Variants in CFAP43 observed in about 807,000 individuals in gnomAD.
The protein encoded by CFAP43 is cilia and flagella associated protein 43.
In CFAP43, 155 loss-of-function variants were observed where a neutral mutation model predicts 218.9. The observed-to-expected ratio is 0.71, with a 90% CI of 0.62 to 0.81. The LOEUF (loss-of-function observed/expected upper bound fraction) is 0.81. Among genes scored for constraint, CFAP43 ranks in the 30% least tolerant of loss-of-function variants. The pLI is 0.00. For synonymous variants in CFAP43, 645 were observed against 681.3 expected (o/e 0.95, Z 0.83); for missense variants, 1,778 against 1,954.3 (o/e 0.91, Z 1.70).
chr10:104,219,425 G>T (rs1481790240), intron 3 of CFAP43, among the ~76,000 whole-genome samples: 1 of 152,074 alleles, frequency 6.6e-6, no homozygotes, highest in Admixed American at 6.6e-5. Flanking sequence ...ACCTTCCACA[G>T]TACGAAAGTA....
intron 2 of CFAP43, among the ~76,000 whole-genome samples, chr10:104,226,928 G>A (rs1050741017): frequency 1.2e-4 from 19 of 152,024 alleles, no homozygotes; most frequent in African/African-American, 3.6e-4. Context: ...TGAGGCAGGC[G>A]AATCGCTTGA....
intron 34 of CFAP43, among the ~76,000 whole-genome samples, chr10:104,137,960 C>G (rs1238129678): frequency 6.6e-6 from 1 of 152,160 alleles, no homozygotes; most frequent in Non-Finnish European, 1.5e-5. Context: ...AAAAATATCT[C>G]TAAAAAACTA....
chr10:104,191,972 A>G (rs17116643), intron 12 of CFAP43, among the ~76,000 whole-genome samples: 19,257 of 152,126 alleles, frequency 0.13, 1,483 homozygotes, highest in African/African-American at 0.22. Flanking sequence ...ATTCAAGAAA[A>G]TTTATTTAGC....
chr10:104,147,415 A>G (rs571142150), intron 29 of CFAP43, among the ~76,000 whole-genome samples: 2 of 152,204 alleles, frequency 1.3e-5, no homozygotes, highest in South Asian at 2.1e-4. Context: ...TTAATGAACC[A>G]TATCTATCCA....
intron 20 of CFAP43, among the ~76,000 whole-genome samples, chr10:104,171,277 A>T (rs2089401012): frequency 6.6e-6 from 1 of 152,236 alleles, no homozygotes; most frequent in Non-Finnish European, 1.5e-5. Flanking sequence ...TGCAGAATGA[A>T]TGAAGGAATG....
At chr10:104,169,558 G>T (rs1489388784) in intron 20 of CFAP43, among the ~76,000 whole-genome samples, 1 of 151,692 alleles carries the variant, frequency 6.6e-6, no homozygotes, top group Admixed American at 6.6e-5. Flanking sequence ...GAAAGGCCTG[G>T]TGTGAAAGTG....
At chr10:104,160,994 A>T (rs752637489) in intron 27 of CFAP43, 43 bp downstream of exon 27, 1 of 1,548,572 alleles carries the variant, frequency 6.5e-7, no homozygotes, top group Admixed American at 1.8e-5. Flanking sequence ...TTTAAACAGC[A>T]CTCTGGATAT....
At chr10:104,226,227 C>T (rs904997433) in intron 2 of CFAP43, among the ~76,000 whole-genome samples, 2 of 152,186 alleles carry the variant, frequency 1.3e-5, no homozygotes, top group Non-Finnish European at 2.9e-5. Context: ...GCAAGCTTTG[C>T]CCTCATCTCA....
chr10:104,179,003 T>C (rs1316581503), intron 19 of CFAP43, 26 bp downstream of exon 19: 2 of 1,573,570 alleles, frequency 1.3e-6, no homozygotes, highest in Non-Finnish European at 1.7e-6. Context: ...GCCAAAGGTA[T>C]TAGAATATGA....
rs755756109 is a variant in CFAP43 at position 104,133,786 on chromosome 10, T to A, written c.4432-2A>T. On this transcript the variant is annotated splice_acceptor_variant, in intron 34 of 37. Transcript: ENST00000357060. LOFTEE classifies it high-confidence loss of function. ...AGCAACTTTCTTTTGTCCTTGAGTC[T>A]TTAAAAAAGTACATTAGATATCCAT... 1 of 1,599,176 alleles carries A rather than the reference T, an allele frequency of 6.3e-7. No homozygotes were observed. Among genetic ancestry groups the A allele is most frequent in the Non-Finnish European group, 8.5e-7 (1 of 1,174,234 alleles).
At chr10:104,157,775 T>TGTGTGTGTGTGAGA (rs1484523345) in intron 27 of CFAP43, among the ~76,000 whole-genome samples, 1 of 90,104 alleles carries the variant, frequency 1.1e-5, no homozygotes, top group African/African-American at 5.0e-5. Context: ...TGTGTGTGTG[T>TGTGTGTGTGTGAGA]GAGAGAGAGA....
intron 5 of CFAP43, among the ~76,000 whole-genome samples, chr10:104,208,607 T>C (rs2090764963): frequency 6.6e-6 from 1 of 152,198 alleles, no homozygotes. Context: ...TGTTTAGAAA[T>C]GTTTGTTGAT....
At chr10:104,135,109 C>T (rs1427988285) in intron 34 of CFAP43, among the ~76,000 whole-genome samples, 9 of 151,250 alleles carry the variant, frequency 6.0e-5, no homozygotes, top group Admixed American at 5.9e-4. Context: ...ATTAACAGAA[C>T]AAATTTAAAA....
chr10:104,194,065 C>T (rs1369855127), intron 10 of CFAP43, 51 bp from the exon 11 acceptor site: 1 of 1,597,222 alleles, frequency 6.3e-7, no homozygotes, highest in Admixed American at 1.7e-5. Flanking sequence ...TGCTCTCCTA[C>T]ACGTAAGAAT....
intron 35 of CFAP43, among the ~76,000 whole-genome samples, chr10:104,132,991 T>C (rs2087266872): frequency 2.0e-5 from 3 of 152,134 alleles, no homozygotes; most frequent in Admixed American, 2.0e-4. Flanking sequence ...CAAGAAAGGT[T>C]TTATGAAGGA....
At chr10:104,133,126 G>A (rs185864929) in intron 35 of CFAP43, among the ~76,000 whole-genome samples, 1,668 of 152,302 alleles carry the variant, frequency 0.011, 27 homozygotes, top group Non-Finnish European at 0.018. Context: ...CACAGAACTT[G>A]GATTAGTTTG....
chr10:104,194,350 G>T (rs2090323850), intron 10 of CFAP43, among the ~76,000 whole-genome samples: 1 of 152,126 alleles, frequency 6.6e-6, no homozygotes, highest in Admixed American at 6.6e-5. Flanking sequence ...GAAACAATTA[G>T]ACCAATAATA....
intron 15 of CFAP43, among the ~76,000 whole-genome samples, 160 bp downstream of exon 15, chr10:104,185,814 T>C (rs2090010330): frequency 1.3e-5 from 2 of 152,258 alleles, no homozygotes; most frequent in Admixed American, 1.3e-4. Flanking sequence ...CCTGTTCCCA[T>C]GACCTAATAC....
At chr10:104,130,698 T>C (rs1250468770) in intron 37 of CFAP43, among the ~76,000 whole-genome samples, 1 of 152,004 alleles carries the variant, frequency 6.6e-6, no homozygotes, top group Non-Finnish European at 1.5e-5. Flanking sequence ...ATAAAGATGG[T>C]AACAGGGAAC....
Sources: gnomAD v4.1 joint callset for allele counts (sites outside exome capture counted in the v4.1 genomes callset) on GRCh38, gnomAD v4.1.1 for gene constraint, MANE v1.5 for transcripts, NCBI Gene and HGNC (gene_info 2026-07-23, HGNC 2026-07-21) for gene names.